The following FAM151B variants were observed in gnomAD, a reference collection of about 807,000 sequenced individuals.
FAM151B encodes family with sequence similarity 151 member B.
In FAM151B, 24 loss-of-function variants were observed where a neutral mutation model predicts 31.2. The ratio of observed to expected loss-of-function variants is 0.77; its 90% confidence interval spans 0.56 to 1.08. The LOEUF (loss-of-function observed/expected upper bound fraction) is 1.08, where lower values mean the gene tolerates loss of function less well. FAM151B is among the 50% of genes least tolerant of loss of function. The probability of loss-of-function intolerance (pLI) is 0.00; values close to 1 mark genes in which losing one functional copy is unlikely to be tolerated. For missense variants in FAM151B, 293 were observed against 328.6 expected (o/e 0.89, Z 0.84); for synonymous variants, 105 against 111.4 (o/e 0.94, Z 0.36).
intron 3 of FAM151B, among the ~76,000 whole-genome samples, chr5:80,515,771 G>A (rs996420546): frequency 2.0e-5 from 3 of 152,074 alleles, no homozygotes; most frequent in Non-Finnish European, 2.9e-5. Flanking sequence ...TTAAATTCTC[G>A]TAACAATCCT....
chr5:80,520,137 A>G (rs1001487294), intron 4 of FAM151B, among the ~76,000 whole-genome samples: 2 of 152,194 alleles, frequency 1.3e-5, no homozygotes, highest in Non-Finnish European at 2.9e-5. Flanking sequence ...ATTTATAGTC[A>G]TATAAGTAAA....
chr5:80,513,734 G>T lies in FAM151B; in HGVS notation c.282G>T (p.Met94Ile). 1 of 1,612,684 alleles carries T rather than the reference G, an allele frequency of 6.2e-7. No individual in the cohort carries two copies. The highest frequency in any genetic ancestry group is 8.5e-7 in the Non-Finnish European group (1 of 1,179,644). ...TACAGGAGTGGCTGACTGAAGTTAT[G>T]AAAAGCAATAAAGGCATCAAGCTGG... ...NTLQEWLTEV[M>I]KSNKGIKLDF... Residue 94 changes from methionine to isoleucine, a missense_variant, in exon 3 of 6, where the codon ATG becomes ATT. Transcript: ENST00000282226.
At chr5:80,497,731 C>T (rs1743595326) in intron 1 of FAM151B, among the ~76,000 whole-genome samples, 2 of 141,540 alleles carry the variant, frequency 1.4e-5, no homozygotes, top group African/African-American at 2.7e-5. Flanking sequence ...ATTCTGAATG[C>T]AGTATGTTTA....
intron 1 of FAM151B, among the ~76,000 whole-genome samples, chr5:80,493,953 G>A (rs939127296): frequency 2.6e-5 from 4 of 151,486 alleles, no homozygotes; most frequent in Non-Finnish European, 4.4e-5. Context: ...TTTGTGGCTC[G>A]GGGTCATCAT....
chr5:80,513,647 T>C lies in FAM151B; in HGVS notation c.195T>C (p.Asp65=). Residue 65 remains aspartate, a synonymous_variant, in exon 3 of 6, where the codon GAT becomes GAC. Transcript: ENST00000282226. ...AGGCTGATGTCCTTCTTCCAAGTGA[T>C]GGATCAGAACACAGCCAGCCAATTA... ...MIEADVLLPS[D]GSEHSQPIMA... is the part of the protein sequence containing the mutation. The C allele has an allele frequency of 6.2e-7, 1 of 1,614,056 alleles. No homozygotes were observed.
intron 5 of FAM151B, among the ~76,000 whole-genome samples, chr5:80,538,284 A>G (rs112883205): frequency 0.096 from 14,535 of 151,516 alleles, 965 homozygotes; most frequent in African/African-American, 0.18. Flanking sequence ...GGCCAGGATG[A>G]TCTCTATCTC....
At chr5:80,491,653 C>T (rs534146075) in intron 1 of FAM151B, among the ~76,000 whole-genome samples, 10 of 152,294 alleles carry the variant, frequency 6.6e-5, no homozygotes, top group African/African-American at 2.4e-4. Flanking sequence ...TCCCTAGCCT[C>T]TGGTAACCAC....
intron 5 of FAM151B, among the ~76,000 whole-genome samples, chr5:80,524,841 A>T (rs989908019): frequency 6.6e-6 from 1 of 152,118 alleles, no homozygotes; most frequent in Non-Finnish European, 1.5e-5. Flanking sequence ...TTTTTTTATT[A>T]TCTAATGTTT....
intron 4 of FAM151B, among the ~76,000 whole-genome samples, chr5:80,520,961 C>T (rs978262858): frequency 6.7e-6 from 1 of 149,484 alleles, no homozygotes; most frequent in Admixed American, 6.7e-5. Flanking sequence ...GGATTACAGG[C>T]GCCACCACGC....
At position 80,542,429 on chromosome 5, in the gene FAM151B, G is replaced by A. The variant is rs1202305329; in HGVS notation, c.*597G>A. On this transcript the variant is annotated 3_prime_UTR_variant, in exon 6 of 6. Coordinates refer to ENST00000282226, the MANE Select transcript of FAM151B (RefSeq NM_205548.3). ...TTTTTTTATATTTCTTATTTCTATA[G>A]TATCTGATTTATAGTGGACAATATA... The A allele has an allele frequency of 6.6e-6, 1 of 151,900 alleles. No individual in the cohort carries two copies. Among genetic ancestry groups the A allele is most frequent in the African/African-American group, 2.4e-5 (1 of 41,340 alleles). 9.4% of individuals were successfully genotyped at this position (151,900 alleles called of 1,614,324 possible). A position where few individuals can be genotyped will look rare whatever the true frequency, so the allele number is the denominator to read the frequency against.
intron 5 of FAM151B, among the ~76,000 whole-genome samples, chr5:80,534,237 A>G (rs1466964412): frequency 6.6e-6 from 1 of 152,182 alleles, no homozygotes; most frequent in African/African-American, 2.4e-5. Context: ...GGAGGAGGGA[A>G]TACTTCTAAA....
intron 1 of FAM151B, among the ~76,000 whole-genome samples, chr5:80,494,053 C>A (rs1743411522): frequency 6.6e-6 from 1 of 152,266 alleles, no homozygotes; most frequent in South Asian, 2.1e-4. Context: ...CTCAGACCAG[C>A]TGACACTTAG....
At chr5:80,516,451 ATTTAT>A (rs1431404278) in intron 3 of FAM151B, among the ~76,000 whole-genome samples, 1 of 152,230 alleles carries the variant, frequency 6.6e-6, no homozygotes, top group Non-Finnish European at 1.5e-5. Flanking sequence ...TAAGTACGAT[ATTTAT>A]TTTATCATTC....
intron 5 of FAM151B, among the ~76,000 whole-genome samples, chr5:80,537,478 T>A (rs1429756572): frequency 6.6e-6 from 1 of 152,216 alleles, no homozygotes; most frequent in Admixed American, 6.5e-5. Flanking sequence ...TACGCTCCAA[T>A]GTCGTAGCGG....
At chr5:80,517,564 T>TTTTGTGTTTCTTA (rs11269910) in intron 3 of FAM151B, among the ~76,000 whole-genome samples, 1 of 151,746 alleles carries the variant, frequency 6.6e-6, no homozygotes, top group African/African-American at 2.4e-5. Flanking sequence ...TAACCGCAGA[T>TTTTGTGTTTCTTA]TTTAAGTTTC....
At chr5:80,534,204 A>G (rs1043799508) in intron 5 of FAM151B, among the ~76,000 whole-genome samples, 1 of 152,176 alleles carries the variant, frequency 6.6e-6, no homozygotes, top group African/African-American at 2.4e-5. Flanking sequence ...CACCAGTCCT[A>G]TTCAAACTAT....
chr5:80,514,431 C>T (rs1005950395), intron 3 of FAM151B, among the ~76,000 whole-genome samples: 21 of 150,920 alleles, frequency 1.4e-4, no homozygotes, highest in African/African-American at 4.9e-4. Flanking sequence ...GCCGAGATCA[C>T]GCCATTGAAT....
Position 80,541,757 on chromosome 5 carries a change from A to T in FAM151B, c.756A>T (p.Lys252Asn), listed in dbSNP as rs765358570. 4 of 1,613,762 alleles carry T rather than the reference A, an allele frequency of 2.5e-6. No individual in the cohort carries two copies. The highest frequency in any genetic ancestry group is 3.4e-6 in the Non-Finnish European group (4 of 1,179,794). The change falls in exon 6 of 6, where the codon AAA (lysine) becomes AAT (asparagine). Residue 252 changes from lysine (K) to asparagine (N), a missense_variant. By Grantham distance (94) the Lys-to-Asn change is moderately conservative. Coordinates refer to ENST00000282226, the MANE Select transcript of FAM151B (RefSeq NM_205548.3). ...LLYIRDHFDK[K>N]QVFYDILEPQ... ...ACATTAGAGACCATTTTGACAAAAA[A>T]CAAGTTTTCTATGACATCTTGGAAC...
chr5:80,516,765 A>G (rs1174634831), intron 3 of FAM151B, among the ~76,000 whole-genome samples: 2 of 152,196 alleles, frequency 1.3e-5, no homozygotes, highest in Non-Finnish European at 2.9e-5. Context: ...GAATTTATAG[A>G]TTAATTTAGA....
Sources: allele counts gnomAD v4.1 joint callset (sites outside exome capture counted in the v4.1 genomes callset), GRCh38; gene constraint gnomAD v4.1.1; transcripts MANE v1.5; gene names NCBI Gene and HGNC (gene_info 2026-07-23, HGNC 2026-07-21).